Variants in NCOR2 observed in about 807,000 individuals in gnomAD.
NCOR2 encodes CTG repeat protein 26.
In NCOR2, 81 loss-of-function variants were observed where a neutral mutation model predicts 262.9. The observed-to-expected ratio is 0.31, with a 90% confidence interval of 0.26 to 0.37. The LOEUF (loss-of-function observed/expected upper bound fraction) is 0.37, where lower values mean the gene tolerates loss of function less well. Ranked by LOEUF, NCOR2 falls within the 10% of genes least tolerant of loss-of-function variation. The pLI is 1.00. For synonymous variants in NCOR2, 1,659 were observed against 1,559.3 expected (o/e 1.06, Z -1.51); for missense variants, 3,385 against 3,621.4 (o/e 0.93, Z 1.68).
chr12:124,441,548 G>A (rs2044807907), intron 7 of NCOR2, among the ~76,000 whole-genome samples: 1 of 152,240 alleles, frequency 6.6e-6, no homozygotes, highest in African/African-American at 2.4e-5. Flanking sequence ...CCCAACCACC[G>A]CTGGCAAGAT....
In NCOR2 at chr12:124,483,604, G is replaced by A. The variant is rs775794647; in HGVS notation, c.403C>T (p.Leu135Phe). The A allele has an allele frequency of 6.3e-7, 1 of 1,599,266 alleles. No individual in the cohort carries two copies. Among genetic ancestry groups the A allele is most frequent in the East Asian group, 2.3e-5 (1 of 44,306 alleles). Residue 135 changes from leucine to phenylalanine, a missense_variant, in exon 3 of 47, where the codon CTC becomes TTC. Transcript: ENST00000405201. The surrounding 1 kb of genome is among the most constrained non-coding windows in gnomAD (Gnocchi z 6.3). ...TGGGGGCCCAGGCTTACCTTGGTGA[G>A]GTCTTCAGATCCCGCAGGCTGGCCC...
chr12:124,377,823 A>G (rs1388247954), intron 18 of NCOR2, among the ~76,000 whole-genome samples: 1 of 151,162 alleles, frequency 6.6e-6, no homozygotes, highest in African/African-American at 2.4e-5. Context: ...TGGGCGACAG[A>G]GCAAGACTCC....
chr12:124,493,387 G>A (rs1377787526), intron 1 of NCOR2, among the ~76,000 whole-genome samples: 5 of 152,232 alleles, frequency 3.3e-5, no homozygotes, highest in South Asian at 4.1e-4. Flanking sequence ...AGCAGCAAAC[G>A]GACAGAGCGG....
chr12:124,445,984 G>A (rs75798780), intron 7 of NCOR2, among the ~76,000 whole-genome samples: 2,522 of 152,356 alleles, frequency 0.017, 76 homozygotes, highest in African/African-American at 0.058. Context: ...CAGCCAGGAC[G>A]AGCTGCGGTC....
At chr12:124,431,957 C>T (rs2043976555) in intron 8 of NCOR2, among the ~76,000 whole-genome samples, 1 of 151,964 alleles carries the variant, frequency 6.6e-6, no homozygotes, top group Admixed American at 6.5e-5. Flanking sequence ...GGCAGACAGA[C>T]ACACAGTCAG....
rs559506079 is a variant in NCOR2 at position 124,458,978 on chromosome 12, G to C, written c.706-1816C>G. 3.9e-5 allele frequency among the ~76,000 whole-genome samples: 6 copies of C among 152,284 alleles called. No individual in the cohort carries two copies. The South Asian group carries it at 6.2e-4, about 16-fold the overall frequency. Reference sequence around the variant, plus strand: ...GGCAGCTCCCAAACACTGGGACCTGGGGAGAGACATGGAATGAATGAGACC... The same window carrying C: ...GGCAGCTCCCAAACACTGGGACCTGCGGAGAGACATGGAATGAATGAGACC... On this transcript the variant is annotated intron_variant, in intron 5 of 46. Transcript: ENST00000405201.
At chr12:124,341,748 G>T in intron 34 of NCOR2, 75 bp downstream of exon 36, 1 of 1,532,268 alleles carries the variant, frequency 6.5e-7, no homozygotes, top group South Asian at 1.2e-5. Flanking sequence ...CTGCCTCCGC[G>T]AGGCCACAGG....
In NCOR2 at chr12:124,346,818, C is replaced by A. The variant is rs775732832; in HGVS notation, c.4105G>T (p.Asp1369Tyr). ...AGCTTGGCCTCCCGACGCAGGTAGT[C>A]CTCCTGTGCCTCCACGTAGGACCGA... is the stretch of plus-strand genomic sequence containing the variant. The change falls in exon 31 of 47, where the codon GAC (aspartate) becomes TAC (tyrosine). Residue 1369 changes from aspartate to tyrosine, a missense_variant. Coordinates refer to ENST00000405201, the Ensembl canonical transcript of NCOR2. The A allele has an allele frequency of 2.9e-5, 46 of 1,579,048 alleles. No homozygotes were observed. The highest frequency in any genetic ancestry group is 3.3e-5 in the Non-Finnish European group (38 of 1,163,418).
intron 13 of NCOR2, among the ~76,000 whole-genome samples, 163 bp downstream of exon 15, chr12:124,419,794 C>T (rs111872985): frequency 3.3e-5 from 5 of 152,364 alleles, no homozygotes; most frequent in African/African-American, 1.2e-4. Flanking sequence ...CCCACATCTG[C>T]TGCTACCACG....
At chr12:124,333,088 A>T in intron 42 of NCOR2, 42 bp downstream of exon 44, 1 of 1,555,678 alleles carries the variant, frequency 6.4e-7, no homozygotes, top group Non-Finnish European at 8.7e-7. Flanking sequence ...GGCAAGGGAT[A>T]CCAGAGCATC....
intron 7 of NCOR2, among the ~76,000 whole-genome samples, chr12:124,449,563 C>G (rs73225433): frequency 0.043 from 6,484 of 152,314 alleles, 154 homozygotes; most frequent in Middle Eastern, 0.065. Flanking sequence ...ACCTGTGCAC[C>G]AGCAGCTCCC....
intron 24 of NCOR2, 130 bp from the exon 27 acceptor site, chr12:124,355,069 G>T (rs899449058): frequency 1.3e-6 from 1 of 756,180 alleles, no homozygotes; most frequent in Non-Finnish European, 2.1e-6. Flanking sequence ...GCTGTGTGAC[G>T]GCAGACAAGT....
At chr12:124,363,629 A>G (rs754203362) in intron 21 of NCOR2, 50 bp downstream of exon 23, 1 of 1,319,774 alleles carries the variant, frequency 7.6e-7, no homozygotes, top group East Asian at 2.8e-5. Flanking sequence ...AATGAATGGG[A>G]AAGTCAAGGT....
intron 28 of NCOR2, among the ~76,000 whole-genome samples, chr12:124,350,129 C>A (rs1326944850): frequency 1.3e-5 from 2 of 152,178 alleles, no homozygotes; most frequent in Non-Finnish European, 1.5e-5. Context: ...TCCCTTAACT[C>A]CTTCCTGGCA....
At chr12:124,515,757 T>C (rs544152923) in intron 1 of NCOR2, among the ~76,000 whole-genome samples, 1 of 152,224 alleles carries the variant, frequency 6.6e-6, no homozygotes, top group East Asian at 1.9e-4. Context: ...AGTATACATG[T>C]GGGTGTGTGC....
At chr12:124,347,607 G>T in intron 30 of NCOR2, 1 of 571,942 alleles carries the variant, frequency 1.7e-6, no homozygotes, top group Non-Finnish European at 3.1e-6. Flanking sequence ...AAAGCACAGG[G>T]GTGATCGGTG....
intron 1 of NCOR2, among the ~76,000 whole-genome samples, chr12:124,490,838 G>T (rs1269741914): frequency 6.6e-6 from 1 of 152,252 alleles, no homozygotes; most frequent in Admixed American, 6.5e-5. Flanking sequence ...CTCTGGGGTT[G>T]GCGTGACCCT....
exon 47 of NCOR2, chr12:124,325,374 A>ACCGCC: frequency 3.2e-5 from 10 of 316,294 alleles, no homozygotes; most frequent in Non-Finnish European, 3.5e-5. Flanking sequence ...GGGACCTGAC[A>ACCGCC]CCGCCCCCCC....
chr12:124,347,793 G>C lies in NCOR2; in HGVS notation c.4072+32C>G, dbSNP rs373190452. 11 of 1,550,132 alleles carry C rather than the reference G, an allele frequency of 7.1e-6. No homozygotes were observed. In the African/African-American group the frequency reaches 1.5e-4, roughly 21 times the overall value. ...CCCTGCGTGACTGTACACCCGTTGG[G>C]GGCAACGAGGGAGCAGGGAACAGGG... On this transcript the variant is annotated intron_variant, in intron 30 of 46. Transcript: ENST00000405201.
Sources: gnomAD v4.1 joint callset for allele counts (sites outside exome capture counted in the v4.1 genomes callset) on GRCh38, gnomAD v4.1.1 for gene constraint, Gnocchi (gnomAD v3.1) non-coding constraint, MANE v1.5 for transcripts, NCBI Gene and HGNC (gene_info 2026-07-23, HGNC 2026-07-21) for gene names.